NFIC: variants seen among roughly 807,000 people sequenced by gnomAD.
The protein encoded by NFIC is nuclear factor I C, also known as nuclear factor 1 C-type.
In NFIC, 12 loss-of-function variants were observed where a neutral mutation model predicts 54.4. That is an observed-to-expected ratio of 0.22 (90% CI 0.14 to 0.36). The LOEUF is 0.36. Ranked by LOEUF, NFIC falls within the 10% of genes least tolerant of loss-of-function variation. The pLI is 1.00. For synonymous variants in NFIC, 322 were observed against 319.2 expected (o/e 1.01, Z -0.09); for missense variants, 575 against 718.2 (o/e 0.80, Z 2.28).
chr19:3,432,668 CTCTT>C (rs1455703294), intron 3 of NFIC, among the ~76,000 whole-genome samples: 2 of 137,468 alleles, frequency 1.5e-5, no homozygotes, highest in Non-Finnish European at 3.0e-5. Flanking sequence ...CCGCTTTCCG[CTCTT>C]TTTTTTTTTT....
Position 3,375,646 on chromosome 19 carries a change from G to C in NFIC, c.31-6066G>C, listed in dbSNP as rs192837751. 6.6e-5 allele frequency among the ~76,000 whole-genome samples: 10 copies of C among 152,364 alleles called. No homozygotes were observed. Among genetic ancestry groups the C allele is most frequent in the African/African-American group, 1.9e-4 (8 of 41,592 alleles). ...GACTCACGCTTTGGGGGACATTGGGGTGGGGGAGCTTCGCTGGTACAAGCT... is the reference window on the plus strand; with the variant it reads ...GACTCACGCTTTGGGGGACATTGGGCTGGGGGAGCTTCGCTGGTACAAGCT... On this transcript the variant is annotated intron_variant, in intron 1 of 10. Coordinates refer to ENST00000443272, the MANE Select transcript of NFIC (RefSeq NM_001245002.2). This position sits in a 1 kb window ranked among gnomAD's most constrained non-coding sequence, Gnocchi z 4.6.
chr19:3,463,490 G>T lies in NFIC; in HGVS notation c.*721G>T, dbSNP rs1033484162. 2.0e-6 allele frequency: 2 copies of T among 985,144 alleles called. No individual in the cohort carries two copies. The highest frequency in any genetic ancestry group is 1.1e-4 in the East Asian group (1 of 8,766). The allele number at this position is 985,144 out of a possible 1,614,324, so 61.0% of individuals were successfully genotyped here. A position where few individuals can be genotyped will look rare whatever the true frequency, so the allele number is the denominator to read the frequency against. The stretch of plus-strand genomic sequence containing the variant: ...CAGGCACCTGCTGCCCCTCGAGGGG[G>T]CCCTGCCTGCCGCGGGGCCTCCCCA... On this transcript the variant is annotated 3_prime_UTR_variant, in exon 11 of 11. Transcript: ENST00000443272.
At chr19:3,378,651 C>A (rs1000488314) in intron 1 of NFIC, among the ~76,000 whole-genome samples, 2 of 152,148 alleles carry the variant, frequency 1.3e-5, no homozygotes, top group Non-Finnish European at 2.9e-5. Context: ...CCTCAGACAC[C>A]AATTTGTCAT....
At chr19:3,444,668 C>T (rs1163916434) in intron 6 of NFIC, among the ~76,000 whole-genome samples, 1 of 152,206 alleles carries the variant, frequency 6.6e-6, no homozygotes, top group Admixed American at 6.5e-5. Context: ...GATGTGGCGG[C>T]CGGGGGTGGA....
Position 3,453,727 on chromosome 19 carries a change from C to G in NFIC, c.1270-36C>G, listed in dbSNP as rs772973896. ...CCAGCAGCCCGAGGTAGAGGGGGAG[C>G]CCACCCCTTAACCACGTGTCTCTCT... On this transcript the variant is annotated intron_variant, in intron 8 of 10. Transcript: ENST00000443272. The surrounding 1 kb of genome is among the most constrained non-coding windows in gnomAD (Gnocchi z 6.7). The G allele has an allele frequency of 6.3e-6, 10 of 1,577,244 alleles. No individual in the cohort carries two copies. Among genetic ancestry groups the G allele is most frequent in the Non-Finnish European group, 8.6e-6 (10 of 1,165,616 alleles).
chr19:3,411,262 C>T (rs1036368400), intron 2 of NFIC: 1 of 151,498 alleles, frequency 6.6e-6, no homozygotes. Flanking sequence ...TCAAGTAATC[C>T]TCCCTCCTTG....
rs942112991 is a variant in NFIC, at chr19:3,428,095, G to A, written c.634+2918G>A. Among the ~76,000 whole-genome samples, 4 of 151,366 alleles carry A rather than the reference G, an allele frequency of 2.6e-5. No individual in the cohort carries two copies. The East Asian group carries it at 7.7e-4, about 29-fold the overall frequency. Reference sequence around the variant, plus strand: ...TGAGGCAGGAGAATTGCTTGAACCCGGGAGACAGAGGTTGCAGTGAGCTGA... The same window carrying A: ...TGAGGCAGGAGAATTGCTTGAACCCAGGAGACAGAGGTTGCAGTGAGCTGA... On this transcript the variant is annotated intron_variant, in intron 3 of 10. Transcript: ENST00000443272.
Position 3,370,181 on chromosome 19 carries a change from C to T in NFIC, c.30+3515C>T, listed in dbSNP as rs1405521292. Among the ~76,000 whole-genome samples, 1 of 152,144 alleles carries T rather than the reference C, an allele frequency of 6.6e-6. No individual in the cohort carries two copies. The highest frequency in any genetic ancestry group is 1.5e-5 in the Non-Finnish European group (1 of 68,008). ...AGAGGGGCTAAGAGTCAGAGAGGGC[C>T]AGGGCCTGCCCGAGGTGGCACAGTG... On this transcript the variant is annotated intron_variant, in intron 1 of 10. Coordinates refer to ENST00000443272, the MANE Select transcript of NFIC (RefSeq NM_001245002.2). The surrounding 1 kb of genome is among the most constrained non-coding windows in gnomAD (Gnocchi z 5.2).
intron 2 of NFIC, among the ~76,000 whole-genome samples, chr19:3,399,569 CT>C (rs1380482352): frequency 2.0e-5 from 3 of 151,822 alleles, no homozygotes; most frequent in African/African-American, 7.3e-5. Context: ...GAGCAACACC[CT>C]GTCTCAAAAA....
chr19:3,392,517 T>G (rs1013928602), intron 2 of NFIC, among the ~76,000 whole-genome samples: 1 of 152,336 alleles, frequency 6.6e-6, no homozygotes, highest in Non-Finnish European at 1.5e-5. Context: ...AATGCATTTG[T>G]GTGGGGACTC....
chr19:3,400,548 A>G (rs1314565741), intron 2 of NFIC, among the ~76,000 whole-genome samples: 1 of 151,882 alleles, frequency 6.6e-6, no homozygotes, highest in Non-Finnish European at 1.5e-5. Flanking sequence ...CAAGAAATAA[A>G]TGTCAGTTTA....
At chr19:3,367,330 C>A (rs1403106414) in intron 1 of NFIC, among the ~76,000 whole-genome samples, 1 of 152,178 alleles carries the variant, frequency 6.6e-6, no homozygotes, top group Non-Finnish European at 1.5e-5. Flanking sequence ...AGCACCGTCC[C>A]GGTATTTTCG....
At chr19:3,396,364 C>T (rs1187335470) in intron 2 of NFIC, among the ~76,000 whole-genome samples, 3 of 149,426 alleles carry the variant, frequency 2.0e-5, no homozygotes, top group South Asian at 2.1e-4. Context: ...CCCAGCTACT[C>T]GGGAGGCTGA....
At chr19:3,388,872 G>A (rs1048050937) in intron 2 of NFIC, among the ~76,000 whole-genome samples, 4 of 151,882 alleles carry the variant, frequency 2.6e-5, no homozygotes, top group African/African-American at 9.7e-5. Flanking sequence ...AGGTGTGGTG[G>A]CTCACACATG....
chr19:3,394,531 C>CCCCCCCCA (rs1192097514), intron 2 of NFIC, among the ~76,000 whole-genome samples: 2 of 48,982 alleles, frequency 4.1e-5, no homozygotes, highest in African/African-American at 1.1e-4. Context: ...CCACCCCCCA[C>CCCCCCCCA]CCGCTTACAC....
chr19:3,370,389 C>G lies in NFIC; in HGVS notation c.30+3723C>G, dbSNP rs1267177933. On this transcript the variant is annotated intron_variant, in intron 1 of 10. Coordinates refer to ENST00000443272, the MANE Select transcript of NFIC (RefSeq NM_001245002.2). This position sits in a 1 kb window ranked among gnomAD's most constrained non-coding sequence, Gnocchi z 5.2. ...TGTGCATCTCTCTCTGTTTCTCCCC[C>G]TCCCCTCTCTGCGGCGGAGGTGCCT... Among the ~76,000 whole-genome samples the G allele has an allele frequency of 6.6e-6, 1 of 152,060 alleles. No homozygotes were observed. Among genetic ancestry groups the G allele is most frequent in the Non-Finnish European group, 1.5e-5 (1 of 67,970 alleles).
At chr19:3,366,538 G>C (rs2080886771), upstream of NFIC, 9 of 572,540 alleles carry the variant, frequency 1.6e-5, no homozygotes, top group South Asian at 2.1e-4. Flanking sequence ...GCGGGGCGGG[G>C]GGGGGGGTTG....
In NFIC at chr19:3,464,168, A is replaced by G. The variant is rs531992815; in HGVS notation, c.*1399A>G. ...AAGGGGGACCGCCGTTTGCACTTTC[A>G]TCGCCTACCCCGACGCGGGGCCCAG... is the stretch of plus-strand genomic sequence containing the variant. On this transcript the variant is annotated 3_prime_UTR_variant, in exon 11 of 11. Coordinates refer to ENST00000443272, the MANE Select transcript of NFIC (RefSeq NM_001245002.2). 39 of 983,900 alleles carry G rather than the reference A, an allele frequency of 4.0e-5. No individual in the cohort carries two copies. The highest frequency in any genetic ancestry group is 4.6e-5 in the Non-Finnish European group (38 of 829,844). 60.9% of individuals were successfully genotyped at this position (983,900 alleles called of 1,614,324 possible).
At chr19:3,419,726 G>C (rs939296508) in intron 2 of NFIC, among the ~76,000 whole-genome samples, 2 of 151,572 alleles carry the variant, frequency 1.3e-5, no homozygotes, top group African/African-American at 4.9e-5. Context: ...TTGAACCCGG[G>C]AGGCAGAGGC....
Sources: allele counts gnomAD v4.1 joint callset (sites outside exome capture counted in the v4.1 genomes callset), GRCh38; gene constraint gnomAD v4.1.1; non-coding constraint Gnocchi (gnomAD v3.1); transcripts MANE v1.5; gene names NCBI Gene and HGNC (gene_info 2026-07-23, HGNC 2026-07-21).